AGAP1: variants seen among roughly 807,000 people sequenced by gnomAD.
AGAP1 encodes the protein ArfGAP with GTPase domain, ankyrin repeat and PH domain 1.
Under a neutral mutation model 105.3 loss-of-function variants are expected in AGAP1, and 29 were observed. The ratio of observed to expected loss-of-function variants is 0.28; its 90% confidence interval spans 0.21 to 0.38. The LOEUF (loss-of-function observed/expected upper bound fraction) is 0.38, where lower values mean the gene tolerates loss of function less well. Among genes scored for constraint, AGAP1 ranks in the 10% least tolerant of loss-of-function variants. The pLI, the probability that AGAP1 is intolerant of heterozygous loss-of-function variation, is 1.00. For missense variants in AGAP1, 998 were observed against 1,165.1 expected, an observed-to-expected ratio of 0.86 and a Z score of 2.09; for synonymous variants, 509 against 485.9, an observed-to-expected ratio of 1.05 and a Z score of -0.63.
rs112698580 is a variant in AGAP1, at chr2:235,635,028, G to T, written c.164-74151G>T. On this transcript the variant is annotated intron_variant, in intron 1 of 17. Coordinates refer to ENST00000304032, the MANE Select transcript of AGAP1 (RefSeq NM_001037131.3). The surrounding 1 kb of genome is among the most constrained non-coding windows in gnomAD (Gnocchi z 5.3). ...TCAGATCTGCATGGAATTTCCTGTG[G>T]CGCTTTCTCAATTCTGGGACCAGTT... Among the ~76,000 whole-genome samples, 2 of 152,080 alleles carry T rather than the reference G, an allele frequency of 1.3e-5. No individual in the cohort carries two copies. The highest frequency in any genetic ancestry group is 4.8e-5 in the African/African-American group (2 of 41,484).
chr2:235,963,372 T>C lies in AGAP1; in HGVS notation c.1484-5090T>C, dbSNP rs2054265677. Among the ~76,000 whole-genome samples, 1 of 152,190 alleles carries C rather than the reference T, an allele frequency of 6.6e-6. No homozygotes were observed. Among genetic ancestry groups the C allele is most frequent in the South Asian group, 2.1e-4 (1 of 4,834 alleles). On this transcript the variant is annotated intron_variant, in intron 12 of 17. Coordinates refer to ENST00000304032, the MANE Select transcript of AGAP1 (RefSeq NM_001037131.3). The surrounding 1 kb of genome is among the most constrained non-coding windows in gnomAD (Gnocchi z 5.1). ...GAGTCAGGTCACAACCAGGTGGGAT[T>C]CTGAATTCAGTTGTTAAAGGGCTGC...
chr2:236,066,772 A>G (rs537398450), intron 16 of AGAP1, among the ~76,000 whole-genome samples: 2 of 152,272 alleles, frequency 1.3e-5, no homozygotes, highest in African/African-American at 2.4e-5. Flanking sequence ...TAATATTCCT[A>G]TCACCCCAGG....
intron 9 of AGAP1, among the ~76,000 whole-genome samples, chr2:235,823,353 T>C (rs1958902775): frequency 6.6e-6 from 1 of 152,170 alleles, no homozygotes; most frequent in Non-Finnish European, 1.5e-5. Flanking sequence ...CAGGCTGGTC[T>C]CGAGCTCCTG....
At position 235,905,017 on chromosome 2, in the gene AGAP1, A is replaced by T. The variant is rs898651935; in HGVS notation, c.1156-3721A>T. On this transcript the variant is annotated intron_variant, in intron 10 of 17. Transcript: ENST00000304032. This position sits in a 1 kb window ranked among gnomAD's most constrained non-coding sequence, Gnocchi z 4.2. Reference sequence around the variant, plus strand: ...AGTTCTTCTGAGGTTGTAACGCCTAACTCAGGCAAGAAAACAGATCCCTTA... The same window carrying T: ...AGTTCTTCTGAGGTTGTAACGCCTATCTCAGGCAAGAAAACAGATCCCTTA... 1.3e-5 allele frequency among the ~76,000 whole-genome samples: 2 copies of T among 152,156 alleles called. No individual in the cohort carries two copies. The highest frequency in any genetic ancestry group is 4.8e-5 in the African/African-American group (2 of 41,446).
chr2:235,814,585 C>T (rs924997908), intron 9 of AGAP1, among the ~76,000 whole-genome samples: 1 of 152,312 alleles, frequency 6.6e-6, no homozygotes, highest in East Asian at 1.9e-4. Flanking sequence ...CCCCCAGGCT[C>T]AGCTCAGGTG....
chr2:236,031,002 C>T (rs1029382560), intron 13 of AGAP1, among the ~76,000 whole-genome samples: 7 of 152,112 alleles, frequency 4.6e-5, no homozygotes, highest in African/African-American at 1.7e-4. Context: ...TAATCATTAA[C>T]AGAAATACAG....
At chr2:235,782,524 G>A (rs1956329106) in intron 6 of AGAP1, among the ~76,000 whole-genome samples, 1 of 152,158 alleles carries the variant, frequency 6.6e-6, no homozygotes, top group African/African-American at 2.4e-5. Flanking sequence ...CTTTAGATGG[G>A]TGCTAATGGT....
chr2:235,839,068 T>C (rs1346183269), intron 9 of AGAP1, among the ~76,000 whole-genome samples: 1 of 152,234 alleles, frequency 6.6e-6, no homozygotes, highest in African/African-American at 2.4e-5. Context: ...CTGTCGGATA[T>C]TTCATGTGAC....
rs1249905541 is a variant in AGAP1, at chr2:235,847,833, AT to A, written c.1051-35511del. 5.3e-5 allele frequency among the ~76,000 whole-genome samples: 8 copies of A among 152,204 alleles called. 2 individuals carry two copies. Among genetic ancestry groups the A allele is most frequent in the Non-Finnish European group, 1.2e-4 (8 of 68,044 alleles). ...CCGTTTCTTGACCAAGGATGGCAGAATCCCCAGGAAGTGCTCCTGTTCCTGG... is the reference window on the plus strand; with the variant it reads ...CCGTTTCTTGACCAAGGATGGCAGAACCCCAGGAAGTGCTCCTGTTCCTGG... On this transcript the variant is annotated intron_variant, in intron 9 of 17. Coordinates refer to ENST00000304032, the MANE Select transcript of AGAP1 (RefSeq NM_001037131.3).
At chr2:235,933,918 G>A (rs1158560652) in intron 12 of AGAP1, among the ~76,000 whole-genome samples, 1 of 152,184 alleles carries the variant, frequency 6.6e-6, no homozygotes, top group Non-Finnish European at 1.5e-5. Flanking sequence ...TTTATTGAGG[G>A]CTTTATGTAG....
intron 3 of AGAP1, among the ~76,000 whole-genome samples, chr2:235,731,718 C>G (rs1951957339): frequency 6.6e-6 from 1 of 152,172 alleles, no homozygotes; most frequent in Non-Finnish European, 1.5e-5. Context: ...TTTCAGGAAG[C>G]TGACAGCCGA....
rs115297776 is a variant in AGAP1 at position 235,692,344 on chromosome 2, T to C, written c.164-16835T>C. On this transcript the variant is annotated intron_variant, in intron 1 of 17. Transcript: ENST00000304032. The surrounding 1 kb of genome is among the most constrained non-coding windows in gnomAD (Gnocchi z 5.8). Reference sequence around the variant, plus strand: ...GTGGGGACCTTGCCTTCTCCAGCACTGGGCCGTCCACTTTGCTCCTTTGTG... The same window carrying C: ...GTGGGGACCTTGCCTTCTCCAGCACCGGGCCGTCCACTTTGCTCCTTTGTG... Among the ~76,000 whole-genome samples the C allele has an allele frequency of 0.012, 1,803 of 152,194 alleles. 34 individuals carry two copies. The highest frequency in any genetic ancestry group is 0.04 in the African/African-American group (1,681 of 41,526).
At position 235,662,120 on chromosome 2, in the gene AGAP1, A is replaced by G. The variant is rs1284308795; in HGVS notation, c.164-47059A>G. ...AGGAGGCGGCACGGCCTGGCCCTCC[A>G]CCTCCAAGCTGACCACCCTACTCAG... On this transcript the variant is annotated intron_variant, in intron 1 of 17. Transcript: ENST00000304032. The surrounding 1 kb of genome is among the most constrained non-coding windows in gnomAD (Gnocchi z 4.2). 6.6e-6 allele frequency among the ~76,000 whole-genome samples: 1 copy of G among 152,104 alleles called. No individual in the cohort carries two copies. The highest frequency in any genetic ancestry group is 1.5e-5 in the Non-Finnish European group (1 of 68,020).
At position 235,692,018 on chromosome 2, in the gene AGAP1, G is replaced by GT. The variant is rs2149443926; in HGVS notation, c.164-17161_164-17160insT. 6.6e-6 allele frequency among the ~76,000 whole-genome samples: 1 copy of GT among 152,326 alleles called. No homozygotes were observed. The highest frequency in any genetic ancestry group is 1.9e-4 in the East Asian group (1 of 5,182). On this transcript the variant is annotated intron_variant, in intron 1 of 17. Transcript: ENST00000304032. The surrounding 1 kb of genome is among the most constrained non-coding windows in gnomAD (Gnocchi z 5.8). ...TTATCTAGTTACTAGTGGTAAGACA[G>GT]AGCCAGTTAACAAAGACTATAAAGT...
chr2:235,972,776 T>C (rs2054705247), intron 13 of AGAP1, among the ~76,000 whole-genome samples: 1 of 152,074 alleles, frequency 6.6e-6, no homozygotes, highest in Non-Finnish European at 1.5e-5. Flanking sequence ...TCACAGCACC[T>C]CCTACAAGCC....
rs2053014534 is a variant in AGAP1 at position 235,936,814 on chromosome 2, T to C, written c.1483+5891T>C. Among the ~76,000 whole-genome samples, 1 of 152,134 alleles carries C rather than the reference T, an allele frequency of 6.6e-6. No individual in the cohort carries two copies. The highest frequency in any genetic ancestry group is 1.5e-5 in the Non-Finnish European group (1 of 68,024). ...TGCCTAACACTCGTTTCCCTGGGGA[T>C]CATCATCTCTGATAACTGAGCTTCC... On this transcript the variant is annotated intron_variant, in intron 12 of 17. Transcript: ENST00000304032. The surrounding 1 kb of genome is among the most constrained non-coding windows in gnomAD (Gnocchi z 4.7).
chr2:236,102,243 C>T (rs1159995686), intron 16 of AGAP1, among the ~76,000 whole-genome samples: 2 of 152,080 alleles, frequency 1.3e-5, no homozygotes, highest in Admixed American at 6.6e-5. Context: ...CGGTGAAACC[C>T]TGTTTCTACT....
rs201191090 is a variant in AGAP1, at chr2:235,969,319, TAC to T, written c.1645+705_1645+706del. On this transcript the variant is annotated intron_variant, in intron 13 of 17. Coordinates refer to ENST00000304032, the MANE Select transcript of AGAP1 (RefSeq NM_001037131.3). The stretch of plus-strand genomic sequence containing the variant: ...GTAAGCGCATGCGTACACACACACA[TAC>T]ACACACACCCCCCACATTATGAGAG... Among the ~76,000 whole-genome samples the T allele has an allele frequency of 6.6e-5, 10 of 150,510 alleles. No individual in the cohort carries two copies. The East Asian group carries it at 1.4e-3, about 20-fold the overall frequency.
intron 2 of AGAP1, among the ~76,000 whole-genome samples, chr2:235,715,814 C>T (rs141385422): frequency 7.9e-5 from 12 of 152,164 alleles, no homozygotes; most frequent in Admixed American, 2.0e-4. Flanking sequence ...CAGGAGGGAG[C>T]GGACTCCCTG....
Sources: gnomAD v4.1 joint callset for allele counts (sites outside exome capture counted in the v4.1 genomes callset) on GRCh38, gnomAD v4.1.1 for gene constraint, Gnocchi (gnomAD v3.1) non-coding constraint, MANE v1.5 for transcripts, NCBI Gene and HGNC (gene_info 2026-07-23, HGNC 2026-07-21) for gene names.